The following PCDHGA5 variants were observed in gnomAD, a reference collection of about 807,000 sequenced individuals.
The protein encoded by PCDHGA5 is protocadherin gamma-A5.
Under a neutral mutation model 56.7 loss-of-function variants are expected in PCDHGA5, and 36 were observed. The observed-to-expected ratio is 0.64, with a 90% CI of 0.49 to 0.84. The LOEUF is 0.84. PCDHGA5 is among the 40% of genes least tolerant of loss of function. PCDHGA5 has a pLI of 0.00. For synonymous variants in PCDHGA5, 563 were observed against 520.2 expected, an observed-to-expected ratio of 1.08 and a Z score of -1.12; for missense variants, 1,305 against 1,201.5, an observed-to-expected ratio of 1.09 and a Z score of -1.27.
intron 1 of PCDHGA5, among the ~76,000 whole-genome samples, chr5:141,387,521 C>G (rs1036909067): frequency 6.6e-6 from 1 of 152,188 alleles, no homozygotes; most frequent in Non-Finnish European, 1.5e-5. Flanking sequence ...ATTAAATATA[C>G]AGACGTATCC....
chr5:141,470,100 G>A (rs1259251144), intron 1 of PCDHGA5, among the ~76,000 whole-genome samples: 2 of 152,178 alleles, frequency 1.3e-5, no homozygotes, highest in African/African-American at 4.8e-5. Context: ...CTACATTCCA[G>A]TCTGAGCAAC....
chr5:141,385,076 A>G, intron 1 of PCDHGA5: 1 of 1,614,206 alleles, frequency 6.2e-7, no homozygotes, highest in Non-Finnish European at 8.5e-7. Context: ...CGCCTGCTGC[A>G]GGCTTCAGAA....
intron 2 of PCDHGA5, among the ~76,000 whole-genome samples, chr5:141,504,997 AC>A (rs554150488): frequency 9.9e-5 from 15 of 152,238 alleles, no homozygotes; most frequent in African/African-American, 2.9e-4. Flanking sequence ...CCCCGTCTGT[AC>A]TAAAAATACA....
intron 1 of PCDHGA5, chr5:141,394,449 A>T: frequency 6.2e-7 from 1 of 1,614,230 alleles, no homozygotes; most frequent in Non-Finnish European, 8.5e-7. Context: ...CAGCAGCAAC[A>T]TGTCACTGAG....
rs1248104988 is a variant in PCDHGA5, at chr5:141,409,585, G to A, written c.2421+42834G>A. 3.1e-6 allele frequency: 5 copies of A among 1,613,912 alleles called. No individual in the cohort carries two copies. The Admixed American group carries it at 5.0e-5, about 16-fold the overall frequency. ...ACCAGACGTCCTACGTGGTCCACGT[G>A]GCCGAGAACAACCCGCCAGGAGCCT... On this transcript the variant is annotated intron_variant, in intron 1 of 3. Coordinates refer to ENST00000518069, the MANE Select transcript of PCDHGA5 (RefSeq NM_018918.3).
Position 141,364,824 on chromosome 5 carries a change from A to G in PCDHGA5, c.494A>G (p.Asn165Ser). 1.2e-6 allele frequency: 2 copies of G among 1,613,612 alleles called. No individual in the cohort carries two copies. The highest frequency in any genetic ancestry group is 1.7e-6 in the Non-Finnish European group (2 of 1,179,810). ...GCGCGGGATGCGGATGTGGGTGTGA[A>G]CTCTCTCCGGAGTTACCAGCTCAGC... ...PFARDADVGV[N>S]SLRSYQLSSN... The change falls in exon 1 of 4, where the codon AAC becomes AGC. Residue 165 changes from asparagine to serine, a missense_variant. By Grantham distance (46) the Asn-to-Ser change is conservative. Transcript: ENST00000518069.
chr5:141,411,193 AAAAC>A (rs1267742802), intron 1 of PCDHGA5: 2 of 152,212 alleles, frequency 1.3e-5, no homozygotes, highest in African/African-American at 4.8e-5. Flanking sequence ...GGCATCTAAG[AAAAC>A]AAACAAGTAA....
intron 2 of PCDHGA5, among the ~76,000 whole-genome samples, chr5:141,503,855 TA>T (rs2099832899): frequency 1.3e-5 from 2 of 152,136 alleles, no homozygotes; most frequent in Non-Finnish European, 2.9e-5. Context: ...GGAAAAATTG[TA>T]AAGCAGTTCT....
In PCDHGA5 at chr5:141,476,886, C is replaced by T; in HGVS notation, c.2422-17921C>T. ...TACCGGGCGCGCGTCCTGGAGGATG[C>T]ACCCTCCGGCACGCGCGTGGTACAA... On this transcript the variant is annotated intron_variant, in intron 1 of 3. Transcript: ENST00000518069. This position sits in a 1 kb window ranked among gnomAD's most constrained non-coding sequence, Gnocchi z 7.6. The T allele has an allele frequency of 9.9e-6, 16 of 1,613,924 alleles. No individual in the cohort carries two copies. Among genetic ancestry groups the T allele is most frequent in the Non-Finnish European group, 1.4e-5 (16 of 1,180,032 alleles).
At position 141,403,424 on chromosome 5, in the gene PCDHGA5, A is replaced by G. The variant is rs771429615; in HGVS notation, c.2421+36673A>G. ...AGCACGTTATCCACTTCCAGAAGCT[A>G]TTGATCCGGATGTTGGCGTGAACTC... is the stretch of plus-strand genomic sequence containing the variant. On this transcript the variant is annotated intron_variant, in intron 1 of 3. Transcript: ENST00000518069. The G allele has an allele frequency of 3.1e-6, 5 of 1,613,932 alleles. No homozygotes were observed. In the African/African-American group the frequency reaches 4.0e-5, roughly 13 times the overall value.
rs750214310 is a variant in PCDHGA5 at position 141,432,447 on chromosome 5, T to C, written c.2422-62360T>C. 1 of 1,614,202 alleles carries C rather than the reference T, an allele frequency of 6.2e-7. No homozygotes were observed. Among genetic ancestry groups the C allele is most frequent in the South Asian group, 1.1e-5 (1 of 91,072 alleles). ...CAGAACGACAATGCGCCCGAGATCCTGTACCCCGCCCTCCCCACGGACGGT... is the reference window on the plus strand; with the variant it reads ...CAGAACGACAATGCGCCCGAGATCCCGTACCCCGCCCTCCCCACGGACGGT... On this transcript the variant is annotated intron_variant, in intron 1 of 3. Coordinates refer to ENST00000518069, the MANE Select transcript of PCDHGA5 (RefSeq NM_018918.3). This position sits in a 1 kb window ranked among gnomAD's most constrained non-coding sequence, Gnocchi z 6.0.
intron 1 of PCDHGA5, chr5:141,413,606 TA>T (rs778210256): frequency 6.8e-6 from 11 of 1,613,848 alleles, no homozygotes; most frequent in Admixed American, 5.0e-5. Context: ...AATCTAGACG[TA>T]AAAATTAATG....
At chr5:141,427,635 C>T in intron 1 of PCDHGA5, 1 of 706,280 alleles carries the variant, frequency 1.4e-6, no homozygotes, top group African/African-American at 1.7e-5. Context: ...TCCGGTTTTC[C>T]ACCAAGTCTC....
At chr5:141,423,228 C>G (rs1321708353) in intron 1 of PCDHGA5, 5 of 1,613,866 alleles carry the variant, frequency 3.1e-6, no homozygotes, top group Non-Finnish European at 2.5e-6. Context: ...CTGTGGCCGA[C>G]AGCATCCCCG....
In PCDHGA5 at chr5:141,477,787, C is replaced by A; in HGVS notation, c.2422-17020C>A. The stretch of plus-strand genomic sequence containing the variant: ...CCAACATCAGCGTGAACATATTTGT[C>A]ACTGATCGCAATGACAATGCCCCCC... On this transcript the variant is annotated intron_variant, in intron 1 of 3. Transcript: ENST00000518069. The surrounding 1 kb of genome is among the most constrained non-coding windows in gnomAD (Gnocchi z 4.9). The A allele has an allele frequency of 6.2e-7, 1 of 1,614,092 alleles. No homozygotes were observed. The highest frequency in any genetic ancestry group is 8.5e-7 in the Non-Finnish European group (1 of 1,180,034).
chr5:141,485,958 T>C lies in PCDHGA5; in HGVS notation c.2422-8849T>C. On this transcript the variant is annotated intron_variant, in intron 1 of 3. Transcript: ENST00000518069. The surrounding 1 kb of genome is among the most constrained non-coding windows in gnomAD (Gnocchi z 5.7). ...AGCGCACCAGCGGGCATGGTGCTCATCCAGCTCAATGCCTCAGACCCGGAC... is the reference window on the plus strand; with the variant it reads ...AGCGCACCAGCGGGCATGGTGCTCACCCAGCTCAATGCCTCAGACCCGGAC... 1 of 1,614,190 alleles carries C rather than the reference T, an allele frequency of 6.2e-7. No individual in the cohort carries two copies. The highest frequency in any genetic ancestry group is 8.5e-7 in the Non-Finnish European group (1 of 1,180,032).
chr5:141,464,524 T>C (rs2099086175), intron 1 of PCDHGA5, among the ~76,000 whole-genome samples: 1 of 152,094 alleles, frequency 6.6e-6, no homozygotes, highest in Non-Finnish European at 1.5e-5. Context: ...AAGGCATATG[T>C]AGTTTTGTTA....
rs1396744157 is a variant in PCDHGA5 at position 141,432,439 on chromosome 5, C to G, written c.2422-62368C>G. 22 of 1,614,108 alleles carry G rather than the reference C, an allele frequency of 1.4e-5. No individual in the cohort carries two copies. The highest frequency in any genetic ancestry group is 1.7e-5 in the Non-Finnish European group (20 of 1,180,052). On this transcript the variant is annotated intron_variant, in intron 1 of 3. Coordinates refer to ENST00000518069, the MANE Select transcript of PCDHGA5 (RefSeq NM_018918.3). This position sits in a 1 kb window ranked among gnomAD's most constrained non-coding sequence, Gnocchi z 6.0. ...TGCTGGACCAGAACGACAATGCGCCCGAGATCCTGTACCCCGCCCTCCCCA... is the reference window on the plus strand; with the variant it reads ...TGCTGGACCAGAACGACAATGCGCCGGAGATCCTGTACCCCGCCCTCCCCA...
At chr5:141,418,641 T>C in intron 1 of PCDHGA5, 3 of 1,614,028 alleles carry the variant, frequency 1.9e-6, no homozygotes, top group Non-Finnish European at 2.5e-6. Flanking sequence ...GGCACCTCCA[T>C]CCTGAGAGTG....
Sources: gnomAD v4.1 joint callset for allele counts (sites outside exome capture counted in the v4.1 genomes callset) on GRCh38, gnomAD v4.1.1 for gene constraint, Gnocchi (gnomAD v3.1) non-coding constraint, MANE v1.5 for transcripts, NCBI Gene and HGNC (gene_info 2026-07-23, HGNC 2026-07-21) for gene names.